Variants in GPAT3 observed in about 807,000 individuals in gnomAD.
The protein encoded by GPAT3 is glycerol-3-phosphate acyltransferase 3.
Under a neutral mutation model 58.8 loss-of-function variants are expected in GPAT3, and 53 were observed. That is an observed-to-expected ratio of 0.90 (90% confidence interval 0.72 to 1.13). The LOEUF (loss-of-function observed/expected upper bound fraction) is 1.13. GPAT3 is among the 50% of genes most tolerant of loss of function. GPAT3 has a pLI of 0.00. For synonymous variants in GPAT3, 197 were observed against 187.4 expected, an observed-to-expected ratio of 1.05 and a Z score of -0.42; for missense variants, 511 against 527.6, an observed-to-expected ratio of 0.97 and a Z score of 0.31.
intron 5 of GPAT3, among the ~76,000 whole-genome samples, chr4:83,589,421 A>T (rs919597276): frequency 3.9e-5 from 6 of 152,234 alleles, no homozygotes; most frequent in African/African-American, 1.4e-4. Context: ...TTATTGGAAC[A>T]CAGCCGTGCT....
Position 83,594,936 on chromosome 4 carries a change from A to G in GPAT3, c.830A>G (p.Lys277Arg). Residue 277 changes from lysine (K) to arginine (R), a missense_variant, in exon 7 of 12, where the codon AAG becomes AGG. By Grantham distance (26) the Lys-to-Arg change is conservative (BLOSUM62 2). Transcript: ENST00000264409. Reference protein sequence around the residue: ...PHVWFERSEMKDRHLVTKRLK... With the variant: ...PHVWFERSEMRDRHLVTKRLK... ...GTCTGGTTTGAACGCTCAGAAATGA[A>G]GGATCGACACCTGGTTACTAAGAGG... 1 of 1,613,938 alleles carries G rather than the reference A, an allele frequency of 6.2e-7. No individual in the cohort carries two copies. The highest frequency in any genetic ancestry group is 8.5e-7 in the Non-Finnish European group (1 of 1,179,834).
At chr4:83,573,094 AC>A (rs1725661516) in intron 2 of GPAT3, among the ~76,000 whole-genome samples, 1 of 152,136 alleles carries the variant, frequency 6.6e-6, no homozygotes, top group Non-Finnish European at 1.5e-5. Flanking sequence ...TGTCCTTGGT[AC>A]TAGCTTGTTA....
intron 2 of GPAT3, among the ~76,000 whole-genome samples, chr4:83,557,739 C>T (rs1258780381): frequency 1.3e-5 from 2 of 152,140 alleles, no homozygotes; most frequent in Admixed American, 6.5e-5. Context: ...GGGGTTCTCA[C>T]GCTGTGTACC....
chr4:83,569,737 TTTTGTTTG>T (rs764347028), intron 2 of GPAT3, among the ~76,000 whole-genome samples: 1 of 152,132 alleles, frequency 6.6e-6, no homozygotes, highest in African/African-American at 2.4e-5. Flanking sequence ...CAGGGCATGG[TTTTGTTTG>T]TTTGTTTGTT....
At position 83,569,172 on chromosome 4, in the gene GPAT3, G is replaced by A. The variant is rs536597024; in HGVS notation, c.209-12390G>A. 2.0e-5 allele frequency among the ~76,000 whole-genome samples: 3 copies of A among 152,262 alleles called. No individual in the cohort carries two copies. In the East Asian group the frequency reaches 5.8e-4, roughly 29 times the overall value. ...GGTAGGGGCAAGTCCAGGTCTTGTG[G>A]GGGCTTAAAGCTTATGCAATTTAGA... On this transcript the variant is annotated intron_variant, in intron 2 of 11. Coordinates refer to ENST00000264409, the MANE Select transcript of GPAT3 (RefSeq NM_032717.5).
chr4:83,587,318 G>T lies in GPAT3; in HGVS notation c.543G>T (p.Leu181=). 4 of 1,613,646 alleles carry T rather than the reference G, an allele frequency of 2.5e-6. No homozygotes were observed. The highest frequency in any genetic ancestry group is 1.1e-5 in the South Asian group (1 of 90,988). ...LVIGTTLVGQ[L]PDSSLKNWLS... ...TAGGAACTACACTGGTTGGGCAGCT[G>T]CCAGACAGCAGGTGAAATGTTTCCT... The change falls in exon 4 of 12, where the codon CTG becomes CTT. Residue 181 remains leucine, a synonymous_variant. Coordinates refer to ENST00000264409, the MANE Select transcript of GPAT3 (RefSeq NM_032717.5).
At chr4:83,594,634 CA>C (rs1726741889) in intron 6 of GPAT3, among the ~76,000 whole-genome samples, 1 of 152,184 alleles carries the variant, frequency 6.6e-6, no homozygotes, top group Admixed American at 6.5e-5. Flanking sequence ...ATTGCTAGCA[CA>C]GCAACGTAAC....
In GPAT3 at chr4:83,558,222, AAAAG is replaced by A. The variant is rs377591412; in HGVS notation, c.208+13625_208+13628del. Among the ~76,000 whole-genome samples, 583 of 152,240 alleles carry A rather than the reference AAAAG, an allele frequency of 3.8e-3. 5 individuals are homozygous for A. The highest frequency in any genetic ancestry group is 0.013 in the African/African-American group (552 of 41,510). On this transcript the variant is annotated intron_variant, in intron 2 of 11. Transcript: ENST00000264409. ...CAGCAAGCCTCTGTCTTAAAAAAAA[AAAAG>A]AAAGTCATCTTGACAGTTTTGATGA...
chr4:83,586,087 A>G (rs893962163), intron 3 of GPAT3, among the ~76,000 whole-genome samples: 30 of 152,156 alleles, frequency 2.0e-4, no homozygotes, highest in African/African-American at 7.2e-4. Flanking sequence ...TAATGATAAT[A>G]TTATTGCCTC....
At chr4:83,601,950 C>G (rs973339558) in intron 11 of GPAT3, among the ~76,000 whole-genome samples, 2 of 152,162 alleles carry the variant, frequency 1.3e-5, no homozygotes, top group East Asian at 3.9e-4. Context: ...TTCCATACAT[C>G]CTGGAGTATG....
intron 3 of GPAT3, among the ~76,000 whole-genome samples, chr4:83,586,234 C>T (rs1726371309): frequency 6.6e-6 from 1 of 152,124 alleles, no homozygotes; most frequent in African/African-American, 2.4e-5. Flanking sequence ...TTTTATGCTC[C>T]AAATATCTGA....
At chr4:83,541,870 T>A (rs1325628018) in intron 1 of GPAT3, among the ~76,000 whole-genome samples, 1 of 152,256 alleles carries the variant, frequency 6.6e-6, no homozygotes, top group Non-Finnish European at 1.5e-5. Flanking sequence ...AGTAGTATCC[T>A]CACGTGGCCC....
chr4:83,578,813 A>C (rs900209534), intron 2 of GPAT3, among the ~76,000 whole-genome samples: 1 of 151,528 alleles, frequency 6.6e-6, no homozygotes, highest in Non-Finnish European at 1.5e-5. Context: ...CTTAGACTTG[A>C]CTTCTGAAAA....
chr4:83,597,818 T>A (rs1726902072), intron 9 of GPAT3, among the ~76,000 whole-genome samples: 1 of 152,216 alleles, frequency 6.6e-6, no homozygotes, highest in Non-Finnish European at 1.5e-5. Context: ...TTAATAGTCA[T>A]GTAAATAACT....
intron 2 of GPAT3, among the ~76,000 whole-genome samples, chr4:83,555,452 G>C (rs960819366): frequency 6.6e-6 from 1 of 152,128 alleles, no homozygotes; most frequent in African/African-American, 2.4e-5. Flanking sequence ...AAAAATACAG[G>C]GTTTAGAGAA....
intron 2 of GPAT3, among the ~76,000 whole-genome samples, chr4:83,578,969 TTTCTTTCTTTCTTTCTTTCC>T: frequency 7.7e-6 from 1 of 129,326 alleles, no homozygotes; most frequent in Admixed American, 7.7e-5. Flanking sequence ...TCTTTCTTTC[TTTCTTTCTTTCTTTCTTTCC>T]TTCCTTCCTT....
At chr4:83,595,332 A>G (rs1200431156) in intron 7 of GPAT3, 2 of 153,822 alleles carry the variant, frequency 1.3e-5, no homozygotes, top group Non-Finnish European at 2.9e-5. Flanking sequence ...AAATATATAA[A>G]AAAGAAAAAA....
At chr4:83,550,550 T>G (rs1724715397) in intron 2 of GPAT3, among the ~76,000 whole-genome samples, 1 of 152,214 alleles carries the variant, frequency 6.6e-6, no homozygotes, top group Non-Finnish European at 1.5e-5. Flanking sequence ...ATTTTTTTGG[T>G]AAAGTTTTAA....
intron 2 of GPAT3, among the ~76,000 whole-genome samples, chr4:83,564,655 C>T (rs10034287): frequency 0.041 from 6,228 of 152,010 alleles, 461 homozygotes; most frequent in African/African-American, 0.14. Flanking sequence ...GCTGCGATCA[C>T]ACCACCGAAC....
Sources: gnomAD v4.1 joint callset for allele counts (sites outside exome capture counted in the v4.1 genomes callset) on GRCh38, gnomAD v4.1.1 for gene constraint, MANE v1.5 for transcripts, NCBI Gene and HGNC (gene_info 2026-07-23, HGNC 2026-07-21) for gene names.